The following NEDD9 variants were observed in gnomAD, a reference collection of about 807,000 sequenced individuals.
The protein encoded by NEDD9 is enhancer of filamentation 1.
NEDD9 carries 26 observed loss-of-function variants against 76.6 expected under a neutral mutation model. That is an observed-to-expected ratio of 0.34 (90% CI 0.25 to 0.47). The LOEUF is 0.47. Among genes scored for constraint, NEDD9 ranks in the 20% least tolerant of loss-of-function variants. The probability of loss-of-function intolerance (pLI) is 1.00; values close to 1 mark genes in which losing one functional copy is unlikely to be tolerated. For synonymous variants in NEDD9, 392 were observed against 414.2 expected, an observed-to-expected ratio of 0.95 and a Z score of 0.65; for missense variants, 937 against 1,058.5, an observed-to-expected ratio of 0.89 and a Z score of 1.59.
rs568789388 is a variant in NEDD9, at chr6:11,252,785, G to T, written c.13-39058C>A. ...TATAGGGTTTGTTTGTGAGTAAATT[G>T]GTTGTATGCCCCAGGGCCTAACTAT... is the stretch of plus-strand genomic sequence containing the variant. On this transcript the variant is annotated intron_variant, in intron 3 of 3. Transcript: ENST00000397378. This position sits in a 1 kb window ranked among gnomAD's most constrained non-coding sequence, Gnocchi z 4.3. 3.9e-5 allele frequency among the ~76,000 whole-genome samples: 6 copies of T among 152,022 alleles called. No individual in the cohort carries two copies. In the South Asian group the frequency reaches 6.2e-4, roughly 16 times the overall value.
chr6:11,321,456 T>C (rs1201275609), intron 2 of NEDD9, among the ~76,000 whole-genome samples: 1 of 152,192 alleles, frequency 6.6e-6, no homozygotes, highest in Non-Finnish European at 1.5e-5. Context: ...ATACAATTGC[T>C]TGCAAACAAG....
At chr6:11,381,228 C>A (rs1018802567) in intron 1 of NEDD9, among the ~76,000 whole-genome samples, 2 of 152,164 alleles carry the variant, frequency 1.3e-5, no homozygotes, top group African/African-American at 2.4e-5. Context: ...CTCTTCACAC[C>A]CCATGCTGGG....
chr6:11,210,766 GGA>G (rs147934321), intron 2 of NEDD9, among the ~76,000 whole-genome samples: 128 of 121,912 alleles, frequency 1.0e-3, no homozygotes, highest in African/African-American at 3.0e-3. Flanking sequence ...AGGGATGGGG[GGA>G]GAGAGAGAGA....
chr6:11,329,650 G>A (rs187755594), intron 2 of NEDD9, among the ~76,000 whole-genome samples: 8 of 152,248 alleles, frequency 5.3e-5, no homozygotes, highest in East Asian at 3.9e-4. Context: ...TCATAAGCAC[G>A]CTTGCAGATG....
At chr6:11,261,466 T>A (rs1760112801) in intron 3 of NEDD9, among the ~76,000 whole-genome samples, 1 of 152,252 alleles carries the variant, frequency 6.6e-6, no homozygotes, top group Admixed American at 6.5e-5. Flanking sequence ...CCCATATTTC[T>A]GTTGATTTTC....
intron 1 of NEDD9, among the ~76,000 whole-genome samples, chr6:11,360,556 A>ATGATCTGGTTGG (rs78042883): frequency 0.33 from 49,797 of 151,894 alleles, 9,180 homozygotes; most frequent in Non-Finnish European, 0.4. Flanking sequence ...GTGAGTTCTC[A>ATGATCTGGTTGG]TGAGATCTGG....
At chr6:11,208,536 C>T (rs1758677351) in intron 2 of NEDD9, among the ~76,000 whole-genome samples, 1 of 152,220 alleles carries the variant, frequency 6.6e-6, no homozygotes, top group Non-Finnish European at 1.5e-5. Context: ...TCTCATTTAA[C>T]ACTTTGATTC....
chr6:11,339,006 A>T (rs939673960), intron 1 of NEDD9, among the ~76,000 whole-genome samples: 4 of 151,828 alleles, frequency 2.6e-5, no homozygotes, highest in Admixed American at 6.6e-5. Flanking sequence ...AAATAAAACT[A>T]TCTGGATCTA....
At chr6:11,246,783 C>T (rs1477231360) in intron 3 of NEDD9, among the ~76,000 whole-genome samples, 1 of 152,198 alleles carries the variant, frequency 6.6e-6, no homozygotes, top group African/African-American at 2.4e-5. Flanking sequence ...AGAGCTTAGA[C>T]ATCTCTTACA....
chr6:11,278,806 A>C (rs1331890326), intron 3 of NEDD9, among the ~76,000 whole-genome samples: 2 of 152,168 alleles, frequency 1.3e-5, no homozygotes, highest in Non-Finnish European at 2.9e-5. Flanking sequence ...CAACATTCAG[A>C]ACCACTGTCC....
intron 3 of NEDD9, among the ~76,000 whole-genome samples, chr6:11,282,113 C>T (rs1225966796): frequency 2.6e-5 from 4 of 152,166 alleles, no homozygotes; most frequent in Admixed American, 2.6e-4. Flanking sequence ...TATTTTTGGT[C>T]AAGATTTCTG....
chr6:11,376,901 A>G (rs1347356079), intron 1 of NEDD9, among the ~76,000 whole-genome samples: 1 of 152,252 alleles, frequency 6.6e-6, no homozygotes, highest in Non-Finnish European at 1.5e-5. Flanking sequence ...GGCCAGGCCC[A>G]GGGCCCTACT....
intron 1 of NEDD9, among the ~76,000 whole-genome samples, chr6:11,342,564 T>C (rs1279004172): frequency 6.6e-6 from 1 of 152,156 alleles, no homozygotes; most frequent in African/African-American, 2.4e-5. Flanking sequence ...TCTATATAAA[T>C]TGAATAAAAA....
rs376197579 is a variant in NEDD9, at chr6:11,334,233, G to A, written c.-153+268C>T. On this transcript the variant is annotated intron_variant, in intron 2 of 3. Transcript: ENST00000397378. ...ATATGATTTTGAAAAGAACTTAATA[G>A]GATACACAAACATTAATAAGAATGC... Among the ~76,000 whole-genome samples, 17 of 152,264 alleles carry A rather than the reference G, an allele frequency of 1.1e-4. No individual in the cohort carries two copies. In the East Asian group the frequency reaches 1.7e-3, roughly 16 times the overall value.
At chr6:11,191,588 T>C (rs1014325064) in intron 4 of NEDD9, among the ~76,000 whole-genome samples, 2 of 152,214 alleles carry the variant, frequency 1.3e-5, no homozygotes, top group African/African-American at 2.4e-5. Context: ...ATGAGCTGCA[T>C]AGGCGTCTGA....
At chr6:11,362,701 C>T (rs898150520) in intron 1 of NEDD9, among the ~76,000 whole-genome samples, 1 of 152,208 alleles carries the variant, frequency 6.6e-6, no homozygotes, top group African/African-American at 2.4e-5. Flanking sequence ...GTCACCTACT[C>T]ACTTGGGATA....
chr6:11,187,727 C>T (rs1758014595), intron 6 of NEDD9, among the ~76,000 whole-genome samples: 1 of 152,048 alleles, frequency 6.6e-6, no homozygotes, highest in Non-Finnish European at 1.5e-5. Flanking sequence ...ACAGGGGAGC[C>T]AAATGAGTAG....
chr6:11,214,989 G>A (rs1758908800), intron 1 of NEDD9, among the ~76,000 whole-genome samples: 1 of 152,154 alleles, frequency 6.6e-6, no homozygotes. Flanking sequence ...CTCTAGCAAC[G>A]TGGACTTGAT....
In NEDD9 at chr6:11,193,627, G is replaced by A. The variant is rs16871074; in HGVS notation, c.525C>T (p.Asp175=). 304,313 of 1,611,250 alleles carry A rather than the reference G, an allele frequency of 0.19. 29,973 individuals are homozygous for A. The highest frequency in any genetic ancestry group is 0.27 in the East Asian group (11,997 of 44,800). Residue 175 remains aspartate, a synonymous_variant, in exon 3 of 7, where the codon GAC becomes GAT. Coordinates refer to ENST00000379446, the MANE Select transcript of NEDD9 (RefSeq NM_006403.4). ...VYEYPSRYQK[D]VYDIPPSHTT... is the part of the protein sequence containing the mutation. ...TATGAGAAGGAGGGATATCATAGAC[G>A]TCCTTTTGGTATCTGGATGGGTACT...
Sources: gnomAD v4.1 joint callset for allele counts (sites outside exome capture counted in the v4.1 genomes callset) on GRCh38, gnomAD v4.1.1 for gene constraint, Gnocchi (gnomAD v3.1) non-coding constraint, MANE v1.5 for transcripts, NCBI Gene and HGNC (gene_info 2026-07-23, HGNC 2026-07-21) for gene names.